Variants in CRYBG1 observed in about 807,000 individuals in gnomAD.
CRYBG1 encodes the protein beta/gamma crystallin domain-containing protein 1.
CRYBG1 carries 139 observed loss-of-function variants against 189.2 expected under a neutral mutation model. That is an observed-to-expected ratio of 0.73 (90% CI 0.64 to 0.85). The LOEUF (loss-of-function observed/expected upper bound fraction) is 0.85, where lower values mean the gene tolerates loss of function less well. CRYBG1 is among the 40% of genes least tolerant of loss of function. The pLI, the probability that CRYBG1 is intolerant of heterozygous loss-of-function variation, is 0.00. For synonymous variants in CRYBG1, 1,023 were observed against 1,017.1 expected, an observed-to-expected ratio of 1.01 and a Z score of -0.11; for missense variants, 2,611 against 2,675.8, an observed-to-expected ratio of 0.98 and a Z score of 0.53.
rs561328060 is a variant in CRYBG1, at chr6:106,546,543, A to G, written c.5312+1610A>G. ...AACTTTTACTCTTAGTAAATAGAGT[A>G]AAAAAAACCTTGTTCAACAAGTTCT... On this transcript the variant is annotated intron_variant, in intron 13 of 21. Transcript: ENST00000633556. Among the ~76,000 whole-genome samples the G allele has an allele frequency of 7.2e-5, 11 of 152,228 alleles. No individual in the cohort carries two copies. In the South Asian group the frequency reaches 2.3e-3, roughly 32 times the overall value.
intron 1 of CRYBG1, among the ~76,000 whole-genome samples, chr6:106,443,193 C>T (rs1033100414): frequency 6.6e-6 from 1 of 152,120 alleles, no homozygotes; most frequent in African/African-American, 2.4e-5. Context: ...TAACTGCCTC[C>T]CTGTCACTTC....
In CRYBG1 at chr6:106,552,173, A is replaced by C. The variant is rs1480528593; in HGVS notation, c.5440-11A>C. On this transcript the variant is annotated splice_polypyrimidine_tract_variant and intron_variant, in intron 14 of 21. Coordinates refer to ENST00000633556, the MANE Select transcript of CRYBG1 (RefSeq NM_001371242.2). ...TTCATTTCCTTTTCTCCTTCCTTTA[A>C]AAATTTTTAGGATTCTTTCACTGGC... 1.3e-6 allele frequency: 2 copies of C among 1,586,630 alleles called. No homozygotes were observed. The highest frequency in any genetic ancestry group is 2.7e-5 in the African/African-American group (2 of 73,514).
At chr6:106,499,116 T>C (rs566264600) in intron 2 of CRYBG1, among the ~76,000 whole-genome samples, 1 of 149,996 alleles carries the variant, frequency 6.7e-6, no homozygotes, top group South Asian at 2.1e-4. Context: ...TTTTTTTTGT[T>C]TGTGTGTTTT....
At chr6:106,460,192 T>C (rs1352636480) in intron 2 of CRYBG1, among the ~76,000 whole-genome samples, 4 of 151,826 alleles carry the variant, frequency 2.6e-5, no homozygotes, top group East Asian at 3.9e-4. Context: ...GGGGTTTCAC[T>C]ATGTTAGCCA....
Position 106,568,632 on chromosome 6 carries a change from C to G in CRYBG1, c.*66C>G. ...ACCTTATTTCTTAAAAAGGACAATG[C>G]TGATGGAAGACCAGACTGGAAAGTG... On this transcript the variant is annotated 3_prime_UTR_variant, in exon 22 of 22. Transcript: ENST00000633556. 8.3e-7 allele frequency: 1 copy of G among 1,207,880 alleles called. No individual in the cohort carries two copies. Among genetic ancestry groups the G allele is most frequent in the Non-Finnish European group, 1.2e-6 (1 of 822,286 alleles). The allele number at this position is 1,207,880 out of a possible 1,614,324, so 74.8% of individuals were successfully genotyped here.
intron 8 of CRYBG1, among the ~76,000 whole-genome samples, chr6:106,532,558 C>T (rs1353727496): frequency 6.6e-6 from 1 of 152,222 alleles, no homozygotes; most frequent in Admixed American, 6.5e-5. Context: ...TCCACATCCT[C>T]ACCAATACTT....
At position 106,543,595 on chromosome 6, in the gene CRYBG1, C is replaced by A; in HGVS notation, c.5037C>A (p.Gly1679=). The change falls in exon 11 of 22, where the codon GGC becomes GGA. Residue 1679 remains glycine (G), a splice_region_variant and synonymous_variant. Coordinates refer to ENST00000633556, the MANE Select transcript of CRYBG1 (RefSeq NM_001371242.2). ...TGGGGTCTATGAAAGTTCTAAGAGG[C>A]ATGTAAGTACATGGGTGACTTGTTA... ...TSVGSMKVLR[G]IWVAYEKPGF... 3 of 1,613,034 alleles carry A rather than the reference C, an allele frequency of 1.9e-6. No homozygotes were observed. Among genetic ancestry groups the A allele is most frequent in the Non-Finnish European group, 1.7e-6 (2 of 1,179,530 alleles).
intron 8 of CRYBG1, 68 bp downstream of exon 8, chr6:106,530,383 A>G: frequency 7.1e-7 from 1 of 1,413,610 alleles, no homozygotes; most frequent in Non-Finnish European, 9.6e-7. Context: ...GAAAAAGAGG[A>G]CTTAAGATAC....
chr6:106,419,280 C>T (rs937185596), intron 1 of CRYBG1, among the ~76,000 whole-genome samples: 2 of 152,196 alleles, frequency 1.3e-5, no homozygotes. Context: ...GGAAACCTTA[C>T]CAAGGACTTT....
At chr6:106,427,916 C>T (rs907968083) in intron 1 of CRYBG1, among the ~76,000 whole-genome samples, 12 of 152,156 alleles carry the variant, frequency 7.9e-5, no homozygotes, top group African/African-American at 2.7e-4. Context: ...CGAGCTCAAG[C>T]CTTTGTGCTT....
intron 2 of CRYBG1, among the ~76,000 whole-genome samples, chr6:106,462,795 T>G (rs966638512): frequency 6.6e-6 from 1 of 152,224 alleles, no homozygotes; most frequent in Admixed American, 6.5e-5. Flanking sequence ...GATGTTGTCT[T>G]AAGATTGAGT....
At chr6:106,548,694 T>C (rs1774320114) in intron 13 of CRYBG1, among the ~76,000 whole-genome samples, 1 of 152,146 alleles carries the variant, frequency 6.6e-6, no homozygotes, top group Admixed American at 6.5e-5. Context: ...TAATTGTTCG[T>C]TGTTTTTTTA....
chr6:106,425,693 G>A lies in CRYBG1; in HGVS notation c.174-26001G>A, dbSNP rs145721829. Reference sequence around the variant, plus strand: ...GTCATTCAGGCTGGAGTGCAATGGCGTGATCTCGGCTCACTGCAACCTCCG... The same window carrying A: ...GTCATTCAGGCTGGAGTGCAATGGCATGATCTCGGCTCACTGCAACCTCCG... On this transcript the variant is annotated intron_variant, in intron 1 of 21. Coordinates refer to ENST00000633556, the MANE Select transcript of CRYBG1 (RefSeq NM_001371242.2). Among the ~76,000 whole-genome samples, 814 of 152,256 alleles carry A rather than the reference G, an allele frequency of 5.3e-3. 8 individuals are homozygous for A. Among genetic ancestry groups the A allele is most frequent in the African/African-American group, 0.019 (785 of 41,552 alleles).
At chr6:106,542,765 C>T (rs914482763) in intron 10 of CRYBG1, among the ~76,000 whole-genome samples, 2 of 148,938 alleles carry the variant, frequency 1.3e-5, no homozygotes, top group African/African-American at 4.9e-5. Flanking sequence ...GGTTCTGCCT[C>T]AGCCTCCTGC....
intron 4 of CRYBG1, among the ~76,000 whole-genome samples, chr6:106,524,532 C>T (rs1369729983): frequency 6.6e-6 from 1 of 152,146 alleles, no homozygotes; most frequent in Non-Finnish European, 1.5e-5. Context: ...CACTGCACTC[C>T]AGCCTGGTGA....
rs746993508 is a variant in CRYBG1 at position 106,543,433 on chromosome 6, A to C, written c.4882-7A>C. The stretch of plus-strand genomic sequence containing the variant: ...CAGATTACTGGTATATCTCATTTCT[A>C]TTGTAGGTAGTTGTTTATGAAAAGC... On this transcript the variant is annotated splice_polypyrimidine_tract_variant and splice_region_variant and intron_variant, in intron 10 of 21. Transcript: ENST00000633556. 6.2e-7 allele frequency: 1 copy of C among 1,608,160 alleles called. No homozygotes were observed.
chr6:106,413,867 A>G (rs1770976020), intron 1 of CRYBG1, among the ~76,000 whole-genome samples: 1 of 152,200 alleles, frequency 6.6e-6, no homozygotes, highest in Non-Finnish European at 1.5e-5. Context: ...TGGACAGATG[A>G]TGGTAAAGCT....
chr6:106,375,425 A>AAGTAAGTAAG lies in CRYBG1; in HGVS notation c.173+14344_173+14345insAGTAAGTAAG, dbSNP rs374045932. On this transcript the variant is annotated intron_variant, in intron 1 of 21. Transcript: ENST00000633556. Reference sequence around the variant, plus strand: ...AGTAAGTAAGTAAGTAAGTAAGTAAATAAATAAATAAATAAATAAATAAAA... The same window carrying AAGTAAGTAAG: ...AGTAAGTAAGTAAGTAAGTAAGTAAAAGTAAGTAAGTAAATAAATAAATAAATAAATAAAA... Among the ~76,000 whole-genome samples the AAGTAAGTAAG allele has an allele frequency of 3.7e-3, 444 of 120,432 alleles. 2 individuals are homozygous for AAGTAAGTAAG. Among genetic ancestry groups the AAGTAAGTAAG allele is most frequent in the African/African-American group, 6.3e-3 (162 of 25,862 alleles). The allele number at this position is 120,432 out of a possible 152,430, so 79.0% of individuals were successfully genotyped here. A position where few individuals can be genotyped will look rare whatever the true frequency, so the allele number is the denominator to read the frequency against.
chr6:106,526,385 T>C (rs1415826468), intron 6 of CRYBG1, among the ~76,000 whole-genome samples: 1 of 152,190 alleles, frequency 6.6e-6, no homozygotes, highest in East Asian at 1.9e-4. Context: ...GTGGCAATTT[T>C]TTACACAAAT....
Sources: gnomAD v4.1 joint callset for allele counts (sites outside exome capture counted in the v4.1 genomes callset) on GRCh38, gnomAD v4.1.1 for gene constraint, MANE v1.5 for transcripts, NCBI Gene and HGNC (gene_info 2026-07-23, HGNC 2026-07-21) for gene names.